Variants in KLHL4 observed in about 807,000 individuals in gnomAD.
The protein encoded by KLHL4 is kelch like family member 4.
Under a neutral mutation model 45.8 loss-of-function variants are expected in KLHL4, and 17 were observed. That is an observed-to-expected ratio of 0.37 (90% CI 0.25 to 0.56). KLHL4 has a LOEUF of 0.56. KLHL4 is among the 20% of genes least tolerant of loss of function. The pLI, the probability that KLHL4 is intolerant of heterozygous loss-of-function variation, is 0.79. For synonymous variants in KLHL4, 224 were observed against 189.9 expected (o/e 1.18, Z -1.47); for missense variants, 544 against 544.9 (o/e 1.00, Z 0.02).
At chrX:87,543,337 CA>C (rs1370670891) in intron 1 of KLHL4, among the ~76,000 whole-genome samples, 2 of 111,085 alleles carry the variant, frequency 1.8e-5, no homozygotes, top group Non-Finnish European at 3.8e-5. Flanking sequence ...ATTGTCCTCC[CA>C]AAAAAGGACA....
chrX:87,529,317 A>G (rs1931190234), intron 1 of KLHL4, among the ~76,000 whole-genome samples: 1 of 111,839 alleles, frequency 8.9e-6, no homozygotes, highest in African/African-American at 3.2e-5. Flanking sequence ...CCAGGGCTAT[A>G]ATGGTACTCT....
At chrX:87,613,134 G>T (rs1053537325) in intron 1 of KLHL4, among the ~76,000 whole-genome samples, 1 of 111,652 alleles carries the variant, frequency 9.0e-6, no homozygotes, top group Non-Finnish European at 1.9e-5. Context: ...CTAACTGGTG[G>T]TTAGAAAATG....
At chrX:87,551,172 C>G (rs2147778699) in intron 1 of KLHL4, among the ~76,000 whole-genome samples, 1 of 111,101 alleles carries the variant, frequency 9.0e-6, no homozygotes. Flanking sequence ...TTTCCAGATA[C>G]AAGATTAATG....
At chrX:87,648,395 T>C (rs1046384227) in intron 9 of KLHL4, among the ~76,000 whole-genome samples, 1 of 111,535 alleles carries the variant, frequency 9.0e-6, no homozygotes, top group Non-Finnish European at 1.9e-5. Context: ...AGACAGCTTT[T>C]TCAGTTAGAA....
chrX:87,630,096 A>G (rs1200539272), intron 6 of KLHL4, among the ~76,000 whole-genome samples: 2 of 111,749 alleles, frequency 1.8e-5, no homozygotes, highest in Non-Finnish European at 1.9e-5. Flanking sequence ...ATTCACCAGA[A>G]AATATTTAAA....
chrX:87,605,019 G>T (rs1306943062), intron 1 of KLHL4, among the ~76,000 whole-genome samples: 8 of 111,261 alleles, frequency 7.2e-5, no homozygotes, highest in African/African-American at 2.6e-4. Flanking sequence ...ATTTATTGAA[G>T]AAATTTTTCC....
At chrX:87,568,625 T>C (rs1244012407) in intron 1 of KLHL4, among the ~76,000 whole-genome samples, 2 of 110,572 alleles carry the variant, frequency 1.8e-5, no homozygotes, top group African/African-American at 6.6e-5. Flanking sequence ...ATCAAATATG[T>C]GTAGTACTTT....
At chrX:87,537,171 C>T (rs1054341832) in intron 1 of KLHL4, among the ~76,000 whole-genome samples, 4 of 110,975 alleles carry the variant, frequency 3.6e-5, no homozygotes, top group Admixed American at 1.9e-4. Context: ...TAATGAAGTG[C>T]ATTTATGAGA....
chrX:87,568,391 CTTTTTTTT>C (rs58586775), intron 1 of KLHL4, among the ~76,000 whole-genome samples: 3 of 57,506 alleles, frequency 5.2e-5, no homozygotes, highest in African/African-American at 1.5e-4. Flanking sequence ...TTCTTTTTTT[CTTTTTTTT>C]TTTTTTTTTT....
intron 1 of KLHL4, among the ~76,000 whole-genome samples, chrX:87,586,877 TAGC>T (rs1219597537): frequency 9.1e-6 from 1 of 110,380 alleles, no homozygotes. Flanking sequence ...GACAAACTTT[TAGC>T]CAGACTAAGA....
intron 1 of KLHL4, among the ~76,000 whole-genome samples, chrX:87,591,500 T>C (rs1921661907): frequency 9.0e-6 from 1 of 111,591 alleles, no homozygotes; most frequent in Non-Finnish European, 1.9e-5. Flanking sequence ...AGTCAGATTA[T>C]TTGTTGTTTT....
At chrX:87,590,440 A>G (rs1921626624) in intron 1 of KLHL4, among the ~76,000 whole-genome samples, 2 of 111,815 alleles carry the variant, frequency 1.8e-5, no homozygotes, top group Admixed American at 9.5e-5. Flanking sequence ...CAGATTCAAT[A>G]CTATCCCTAT....
At chrX:87,638,235 A>G (rs992374943) in intron 9 of KLHL4, among the ~76,000 whole-genome samples, 20 of 111,823 alleles carry the variant, frequency 1.8e-4, no homozygotes, top group Admixed American at 6.6e-4. Flanking sequence ...TTGTGTTCCC[A>G]AAGAAGAGAA....
intron 1 of KLHL4, among the ~76,000 whole-genome samples, chrX:87,531,388 G>A (rs1201326434): frequency 9.0e-6 from 1 of 111,246 alleles, no homozygotes; most frequent in Non-Finnish European, 1.9e-5. Flanking sequence ...TCTAGGGTTT[G>A]TATGGTTTTA....
intron 9 of KLHL4, among the ~76,000 whole-genome samples, chrX:87,659,923 G>A (rs1164433471): frequency 1.9e-5 from 2 of 106,442 alleles, no homozygotes; most frequent in Admixed American, 2.1e-4. Flanking sequence ...GCATTTCTAG[G>A]GATGCGTGCT....
At chrX:87,595,597 T>C (rs1489945183) in intron 1 of KLHL4, among the ~76,000 whole-genome samples, 3 of 111,857 alleles carry the variant, frequency 2.7e-5, no homozygotes, top group African/African-American at 9.7e-5. Context: ...TTTTGGAGGA[T>C]AGAAATGTTC....
chrX:87,666,746 G>T lies in KLHL4; in HGVS notation c.*212G>T. The T allele has an allele frequency of 5.4e-6, 5 of 932,530 alleles. No individual in the cohort carries two copies. Among genetic ancestry groups the T allele is most frequent in the Non-Finnish European group, 6.7e-6 (5 of 749,289 alleles). 76.9% of individuals were successfully genotyped at this position (932,530 alleles called of 1,213,427 possible). On this transcript the variant is annotated 3_prime_UTR_variant, in exon 11 of 11. Coordinates refer to ENST00000373119, the MANE Select transcript of KLHL4 (RefSeq NM_019117.5). ...TACATATGAATTATTAAGCATATGT[G>T]CTTTCGCAGCTGATAATATAAAAGG... is the stretch of plus-strand genomic sequence containing the variant.
intron 1 of KLHL4, among the ~76,000 whole-genome samples, chrX:87,576,905 C>T (rs1921119567): frequency 9.0e-6 from 1 of 111,531 alleles, no homozygotes; most frequent in South Asian, 3.7e-4. Flanking sequence ...TGAAATGAAA[C>T]ATCATATTTT....
Position 87,668,206 on chromosome X carries a change from T to C in KLHL4, c.*1672T>C, listed in dbSNP as rs1158363337. The C allele has an allele frequency of 4.0e-6, 3 of 750,924 alleles. No homozygotes were observed. In the African/African-American group the frequency reaches 7.0e-5, roughly 17 times the overall value. 61.9% of individuals were successfully genotyped at this position (750,924 alleles called of 1,213,427 possible). ...TATTGAAATCAGTGTAGAAGTAGAG[T>C]TACCTAAACCTTTATCGCCAATGCA... On this transcript the variant is annotated 3_prime_UTR_variant, in exon 11 of 11. Coordinates refer to ENST00000373119, the MANE Select transcript of KLHL4 (RefSeq NM_019117.5).
Sources: gnomAD v4.1 joint callset for allele counts (sites outside exome capture counted in the v4.1 genomes callset) on GRCh38, gnomAD v4.1.1 for gene constraint, MANE v1.5 for transcripts, NCBI Gene and HGNC (gene_info 2026-07-23, HGNC 2026-07-21) for gene names.